Variants in ATP2C2 observed in about 807,000 individuals in gnomAD.
ATP2C2 encodes ATPase secretory pathway Ca2+ transporting 2.
Under a neutral mutation model 110.8 loss-of-function variants are expected in ATP2C2, and 171 were observed. The ratio of observed to expected loss-of-function variants is 1.54; its 90% confidence interval spans 1.36 to 1.75. ATP2C2 has a LOEUF of 1.75. Among genes scored for constraint, ATP2C2 ranks in the 40% most tolerant of loss-of-function variants. The pLI, the probability that ATP2C2 is intolerant of heterozygous loss-of-function variation, is 0.00. For missense variants in ATP2C2, 1,963 were observed against 1,235.0 expected (o/e 1.59, Z -8.84); for synonymous variants, 804 against 508.4 (o/e 1.58, Z -7.82).
chr16:84,459,387 G>T lies in ATP2C2; in HGVS notation c.2333+1G>T. 1 of 1,613,696 alleles carries T rather than the reference G, an allele frequency of 6.2e-7. No homozygotes were observed. The highest frequency in any genetic ancestry group is 8.5e-7 in the Non-Finnish European group (1 of 1,179,596). On this transcript the variant is annotated splice_donor_variant, in intron 23 of 26. Transcript: ENST00000262429. LOFTEE classifies it high-confidence loss of function. Reference sequence around the variant, plus strand: ...TCATGGATGGGCCACCGGCGCAGAGGTGAGGCAGGGCCGGCTGGGAGCCCT... The same window carrying T: ...TCATGGATGGGCCACCGGCGCAGAGTTGAGGCAGGGCCGGCTGGGAGCCCT...
intron 11 of ATP2C2, among the ~76,000 whole-genome samples, chr16:84,429,646 T>A (rs16973780): frequency 0.37 from 56,670 of 151,706 alleles, 10,741 homozygotes; most frequent in South Asian, 0.4. Flanking sequence ...GGAGAATCGA[T>A]GGGAATCAAG....
intron 1 of ATP2C2, among the ~76,000 whole-genome samples, chr16:84,368,996 C>G (rs922547293): frequency 6.6e-6 from 1 of 152,210 alleles, no homozygotes; most frequent in African/African-American, 2.4e-5. Flanking sequence ...TAGGAAGTGA[C>G]CTGGCTGGGA....
At chr16:84,441,271 A>T (rs1909230310) in intron 14 of ATP2C2, among the ~76,000 whole-genome samples, 1 of 152,142 alleles carries the variant, frequency 6.6e-6, no homozygotes, top group African/African-American at 2.4e-5. Flanking sequence ...TGTTTCTATT[A>T]TTTTTTTTAA....
At chr16:84,412,390 GTC>G (rs1406814825) in intron 6 of ATP2C2, among the ~76,000 whole-genome samples, 3 of 145,498 alleles carry the variant, frequency 2.1e-5, no homozygotes, top group Non-Finnish European at 3.0e-5. Flanking sequence ...GTGTATATGT[GTC>G]TGTGTGTGTC....
chr16:84,451,692 G>T (rs1485222331), intron 17 of ATP2C2, among the ~76,000 whole-genome samples: 2 of 152,164 alleles, frequency 1.3e-5, no homozygotes, highest in African/African-American at 2.4e-5. Context: ...ACAAAAATTA[G>T]CTGGGCCTGG....
At chr16:84,453,405 C>T (rs751278980) in intron 20 of ATP2C2, 34 bp downstream of exon 20, 7 of 1,613,086 alleles carry the variant, frequency 4.3e-6, no homozygotes, top group Non-Finnish European at 5.9e-6. Flanking sequence ...GGCTGCGCTG[C>T]TGGGGCCGGG....
chr16:84,437,588 T>A (rs1329293701), intron 11 of ATP2C2, among the ~76,000 whole-genome samples: 1 of 152,170 alleles, frequency 6.6e-6, no homozygotes, highest in Non-Finnish European at 1.5e-5. Context: ...CAGTCTCGGT[T>A]CACTGCAACC....
At chr16:84,430,376 C>G (rs892061830) in intron 11 of ATP2C2, among the ~76,000 whole-genome samples, 1 of 152,132 alleles carries the variant, frequency 6.6e-6, no homozygotes, top group Non-Finnish European at 1.5e-5. Context: ...TGCGGTGGCT[C>G]ACGTCTGTAA....
Position 84,463,746 on chromosome 16 carries a change from G to A in ATP2C2, c.*14G>A, listed in dbSNP as rs753880986. On this transcript the variant is annotated 3_prime_UTR_variant, in exon 27 of 27. Transcript: ENST00000262429. ...GAAGATGTGTAGTGGACCGCACTCC[G>A]CGGCACCTTCCCTAATCATCTCGAT... 2.5e-5 allele frequency: 39 copies of A among 1,589,630 alleles called. No homozygotes were observed. Among genetic ancestry groups the A allele is most frequent in the South Asian group, 2.0e-4 (18 of 90,576 alleles).
chr16:84,404,197 C>T (rs1905548313), intron 2 of ATP2C2, among the ~76,000 whole-genome samples: 1 of 152,224 alleles, frequency 6.6e-6, no homozygotes, highest in South Asian at 2.1e-4. Context: ...AGCTTCATGA[C>T]ATCATTCCTT....
chr16:84,386,139 T>G (rs1217309171), intron 1 of ATP2C2, among the ~76,000 whole-genome samples: 3 of 152,160 alleles, frequency 2.0e-5, no homozygotes, highest in Non-Finnish European at 4.4e-5. Flanking sequence ...GAAAAAGCCA[T>G]TTCTCCCAGT....
chr16:84,374,138 G>A (rs555744308), intron 1 of ATP2C2, among the ~76,000 whole-genome samples: 2 of 152,292 alleles, frequency 1.3e-5, no homozygotes, highest in African/African-American at 4.8e-5. Context: ...GCTCATTGAC[G>A]GTGCCAGCTG....
At chr16:84,406,839 C>A (rs1030468103) in intron 3 of ATP2C2, among the ~76,000 whole-genome samples, 1 of 152,138 alleles carries the variant, frequency 6.6e-6, no homozygotes, top group Non-Finnish European at 1.5e-5. Flanking sequence ...ACCCGCTCCC[C>A]CACTTCCCCT....
At chr16:84,407,935 G>A (rs981990796) in intron 3 of ATP2C2, among the ~76,000 whole-genome samples, 2 of 152,228 alleles carry the variant, frequency 1.3e-5, no homozygotes, top group Non-Finnish European at 2.9e-5. Flanking sequence ...ATCTTCTCAG[G>A]AAGTTTTGGG....
At chr16:84,448,841 G>T in intron 17 of ATP2C2, 152 bp downstream of exon 17, 1 of 1,093,880 alleles carries the variant, frequency 9.1e-7, no homozygotes, top group Non-Finnish European at 1.3e-6. Flanking sequence ...GGAACCTGAT[G>T]GTCACATGAA....
intron 17 of ATP2C2, among the ~76,000 whole-genome samples, chr16:84,450,408 C>T (rs1427645128): frequency 6.6e-6 from 1 of 152,122 alleles, no homozygotes; most frequent in Non-Finnish European, 1.5e-5. Context: ...TGAGACCCCC[C>T]ACCCCACATG....
intron 1 of ATP2C2, among the ~76,000 whole-genome samples, chr16:84,394,506 T>C (rs1005375720): frequency 1.3e-5 from 2 of 152,228 alleles, no homozygotes; most frequent in African/African-American, 4.8e-5. Context: ...TCATCTGTGT[T>C]GTAGCAAGTG....
intron 10 of ATP2C2, among the ~76,000 whole-genome samples, chr16:84,424,040 C>T (rs11641662): frequency 0.02 from 3,022 of 152,276 alleles, 39 homozygotes; most frequent in Middle Eastern, 0.044. Context: ...CAACCCATGC[C>T]TGGCCCCTAA....
At chr16:84,398,958 C>G (rs1266365333) in intron 2 of ATP2C2, among the ~76,000 whole-genome samples, 2 of 152,192 alleles carry the variant, frequency 1.3e-5, no homozygotes, top group African/African-American at 4.8e-5. Flanking sequence ...GTAGCACAGC[C>G]CAGCGTGGAG....
Sources: allele counts gnomAD v4.1 joint callset (sites outside exome capture counted in the v4.1 genomes callset), GRCh38; gene constraint gnomAD v4.1.1; transcripts MANE v1.5; gene names NCBI Gene and HGNC (gene_info 2026-07-23, HGNC 2026-07-21).